CA10: variants seen among roughly 807,000 people sequenced by gnomAD.
The protein encoded by CA10 is carbonic anhydrase 10 (inactive).
A neutral mutation model predicts 44.2 loss-of-function variants in CA10; 14 were observed. That is an observed-to-expected ratio of 0.32 (90% CI 0.21 to 0.50). The LOEUF is 0.50. CA10 is among the 20% of genes least tolerant of loss of function. CA10 has a pLI of 0.99. For synonymous variants in CA10, 159 were observed against 141.6 expected, an observed-to-expected ratio of 1.12 and a Z score of -0.87; for missense variants, 350 against 409.7, an observed-to-expected ratio of 0.85 and a Z score of 1.26.
At chr17:51,668,633 G>A (rs573394566) in intron 4 of CA10, among the ~76,000 whole-genome samples, 6 of 152,184 alleles carry the variant, frequency 3.9e-5, no homozygotes, top group South Asian at 2.1e-4. Context: ...ACCCTTGCTC[G>A]CTCTCGGGAC....
At chr17:51,875,470 C>T (rs957741506) in intron 3 of CA10, among the ~76,000 whole-genome samples, 6 of 152,154 alleles carry the variant, frequency 3.9e-5, no homozygotes, top group African/African-American at 1.4e-4. Flanking sequence ...GTCATTTAAG[C>T]TCTGTTTACA....
At chr17:51,893,086 ATT>A (rs10547219) in intron 3 of CA10, among the ~76,000 whole-genome samples, 4,244 of 152,216 alleles carry the variant, frequency 0.028, 189 homozygotes, top group African/African-American at 0.098. Flanking sequence ...TATTATTGTT[ATT>A]GTTTTTATAA....
At chr17:51,902,426 C>T (rs1394329652) in intron 3 of CA10, among the ~76,000 whole-genome samples, 1 of 151,880 alleles carries the variant, frequency 6.6e-6, no homozygotes, top group East Asian at 1.9e-4. Context: ...TTTTTTTCCC[C>T]ATTTGTGCCT....
intron 3 of CA10, among the ~76,000 whole-genome samples, chr17:51,786,974 TACTGA>T (rs1906313924): frequency 6.6e-6 from 1 of 152,082 alleles, no homozygotes; most frequent in African/African-American, 2.4e-5. Flanking sequence ...TGATGTATTA[TACTGA>T]TTGATTTGGT....
chr17:51,718,261 C>T (rs1916237622), intron 4 of CA10, among the ~76,000 whole-genome samples: 1 of 150,684 alleles, frequency 6.6e-6, no homozygotes, highest in African/African-American at 2.4e-5. Context: ...AAATAAAAGC[C>T]AAAGCAGCTT....
intron 1 of CA10, among the ~76,000 whole-genome samples, chr17:52,104,721 C>T (rs146116896): frequency 3.1e-4 from 47 of 152,304 alleles, no homozygotes; most frequent in African/African-American, 1.1e-3. Flanking sequence ...AGGGTACTGA[C>T]TTAAAGAGGC....
chr17:51,794,755 A>G (rs1235830857), intron 3 of CA10, among the ~76,000 whole-genome samples: 1 of 152,206 alleles, frequency 6.6e-6, no homozygotes, highest in Non-Finnish European at 1.5e-5. Context: ...GGGGTGAAAA[A>G]GTTGAGAAAT....
At chr17:52,132,960 T>A (rs973217818) in intron 1 of CA10, among the ~76,000 whole-genome samples, 1 of 152,146 alleles carries the variant, frequency 6.6e-6, no homozygotes, top group South Asian at 2.1e-4. Context: ...CTTAAATCAG[T>A]GCTACCTCTT....
intron 2 of CA10, among the ~76,000 whole-genome samples, chr17:52,024,904 T>C (rs939762352): frequency 6.6e-6 from 1 of 151,712 alleles, no homozygotes; most frequent in South Asian, 2.1e-4. Context: ...GGTCATAAAG[T>C]AAAAATGATT....
At chr17:51,668,387 T>C (rs113020805) in intron 4 of CA10, among the ~76,000 whole-genome samples, 2 of 152,192 alleles carry the variant, frequency 1.3e-5, no homozygotes, top group African/African-American at 4.8e-5. Flanking sequence ...CCTGCCCACT[T>C]CCTTTCTGAA....
chr17:51,837,647 A>G (rs894929957), intron 3 of CA10, among the ~76,000 whole-genome samples: 2 of 152,220 alleles, frequency 1.3e-5, no homozygotes, highest in Non-Finnish European at 2.9e-5. Flanking sequence ...CTGCTTCATC[A>G]GAGAGTGCCT....
intron 4 of CA10, among the ~76,000 whole-genome samples, chr17:51,673,746 A>G (rs1914511895): frequency 6.6e-6 from 1 of 152,040 alleles, no homozygotes; most frequent in Non-Finnish European, 1.5e-5. Flanking sequence ...AGGTCTAAAC[A>G]TTTCACTTCC....
intron 2 of CA10, among the ~76,000 whole-genome samples, chr17:51,932,774 A>G (rs1982715764): frequency 6.6e-6 from 1 of 152,164 alleles, no homozygotes; most frequent in African/African-American, 2.4e-5. Context: ...ATTTCTTAAA[A>G]TATGTTATCA....
chr17:52,024,962 T>C (rs1986254159), intron 2 of CA10, among the ~76,000 whole-genome samples: 1 of 151,832 alleles, frequency 6.6e-6, no homozygotes, highest in African/African-American at 2.4e-5. Flanking sequence ...TATATGTATA[T>C]ATACACTCCC....
intron 2 of CA10, among the ~76,000 whole-genome samples, chr17:52,034,778 C>T (rs544590479): frequency 1.1e-4 from 16 of 152,240 alleles, no homozygotes; most frequent in Middle Eastern, 6.8e-3. Flanking sequence ...TTAGAGACTA[C>T]AGGAATAAAT....
At chr17:52,096,819 C>A (rs1715825673) in intron 1 of CA10, among the ~76,000 whole-genome samples, 1 of 152,308 alleles carries the variant, frequency 6.6e-6, no homozygotes, top group South Asian at 2.1e-4. Context: ...AAAGTCTTCA[C>A]ATAATATGCT....
intron 2 of CA10, among the ~76,000 whole-genome samples, chr17:52,040,150 T>TC (rs1178821020): frequency 1.3e-5 from 2 of 150,310 alleles, no homozygotes. Flanking sequence ...TTTTTCTTTT[T>TC]TTTTTTTTTG....
chr17:51,631,977 C>T (rs547591342), intron 8 of CA10, among the ~76,000 whole-genome samples: 2 of 152,256 alleles, frequency 1.3e-5, no homozygotes, highest in East Asian at 1.9e-4. Flanking sequence ...TTCCCATTAC[C>T]ACAGAAAGTT....
At chr17:52,042,809 C>CA (rs1986808816) in intron 2 of CA10, among the ~76,000 whole-genome samples, 1 of 151,974 alleles carries the variant, frequency 6.6e-6, no homozygotes, top group Non-Finnish European at 1.5e-5. Context: ...CATTATTTTG[C>CA]ATGTGAATAC....
Sources: allele counts gnomAD v4.1 joint callset (sites outside exome capture counted in the v4.1 genomes callset), GRCh38; gene constraint gnomAD v4.1.1; transcripts MANE v1.5; gene names NCBI Gene and HGNC (gene_info 2026-07-23, HGNC 2026-07-21).